The following DPYD variants were observed in gnomAD, a reference collection of about 807,000 sequenced individuals.
DPYD encodes the protein dihydropyrimidine dehydrogenase, also known as dihydropyrimidine dehydrogenase [NADP(+)].
DPYD carries 109 observed loss-of-function variants against 116.2 expected under a neutral mutation model. The observed-to-expected ratio is 0.94, with a 90% confidence interval of 0.80 to 1.10. The LOEUF is 1.10. Among genes scored for constraint, DPYD ranks in the 50% least tolerant of loss-of-function variants. DPYD has a pLI of 0.00. For synonymous variants in DPYD, 440 were observed against 432.0 expected, an observed-to-expected ratio of 1.02 and a Z score of -0.23; for missense variants, 1,302 against 1,254.5, an observed-to-expected ratio of 1.04 and a Z score of -0.57.
intron 1 of DPYD, among the ~76,000 whole-genome samples, chr1:97,885,366 C>A (rs759253188): frequency 1.3e-5 from 2 of 151,968 alleles, no homozygotes; most frequent in Non-Finnish European, 2.9e-5. Flanking sequence ...TCCACCTCTA[C>A]TAATGTAATT....
At chr1:97,545,118 G>A (rs11165893) in intron 12 of DPYD, among the ~76,000 whole-genome samples, 6 of 152,054 alleles carry the variant, frequency 3.9e-5, no homozygotes, top group African/African-American at 1.4e-4. Context: ...AAAGAGAGAA[G>A]AATAAAACTT....
intron 14 of DPYD, among the ~76,000 whole-genome samples, chr1:97,391,429 G>C (rs12042394): frequency 0.2 from 30,241 of 151,822 alleles, 3,127 homozygotes; most frequent in South Asian, 0.36. Context: ...CCCACATCCA[G>C]TGATTAACCA....
rs1029469904 is a variant in DPYD at position 97,549,625 on chromosome 1, T to C, written c.1459A>G (p.Asn487Asp). The change falls in exon 12 of 23, where the codon AAC becomes GAC. Residue 487 changes from asparagine to aspartate, a missense_variant. By Grantham distance (23) the Asn-to-Asp change is conservative. Transcript: ENST00000370192. ...FAGGDVVGLANTTVESVNDGK... is the reference protein window; with the variant it reads ...FAGGDVVGLADTTVESVNDGK... ...TCATTCACCGATTCCACTGTAGTGT[T>C]AGCCAAACCAACGACATCACCACCT... 1.9e-6 allele frequency: 3 copies of C among 1,613,798 alleles called. No homozygotes were observed. The Admixed American group carries it at 5.0e-5, about 27-fold the overall frequency.
chr1:97,397,316 GAT>G (rs561161348), intron 14 of DPYD, among the ~76,000 whole-genome samples: 1 of 151,890 alleles, frequency 6.6e-6, no homozygotes, highest in South Asian at 2.1e-4. Flanking sequence ...ATGTATGACA[GAT>G]ATATATATGG....
At chr1:97,620,710 T>C (rs1656583086) in intron 8 of DPYD, among the ~76,000 whole-genome samples, 1 of 152,182 alleles carries the variant, frequency 6.6e-6, no homozygotes, top group African/African-American at 2.4e-5. Context: ...TATTCGTATA[T>C]GCTCTTTCAT....
chr1:97,114,763 A>G (rs1317819702), intron 20 of DPYD, among the ~76,000 whole-genome samples: 1 of 152,148 alleles, frequency 6.6e-6, no homozygotes. Flanking sequence ...AAAAAAACCC[A>G]TCATATTCAA....
rs145254649 is a variant in DPYD at position 97,833,890 on chromosome 1, G to A, written c.151-5694C>T. On this transcript the variant is annotated intron_variant, in intron 2 of 22. Transcript: ENST00000370192. ...AACTTTTTGGTCATAAGACTCCTAT[G>A]AGAGTATAATGAAAACCATGATCCT... Among the ~76,000 whole-genome samples the A allele has an allele frequency of 3.2e-4, 48 of 152,174 alleles. No individual in the cohort carries two copies. The East Asian group carries it at 8.1e-3, about 26-fold the overall frequency.
chr1:97,583,744 A>T (rs79954780), intron 10 of DPYD, among the ~76,000 whole-genome samples: 1,984 of 150,652 alleles, frequency 0.013, 22 homozygotes, highest in Middle Eastern at 0.024. Context: ...TGTTAGATTG[A>T]CATAAAAATG....
intron 10 of DPYD, among the ~76,000 whole-genome samples, chr1:97,587,648 A>G (rs1654224033): frequency 6.6e-6 from 1 of 151,740 alleles, no homozygotes; most frequent in South Asian, 2.1e-4. Flanking sequence ...ACATGGTGAA[A>G]CCCCGTTTCG....
At chr1:97,553,689 G>A (rs369102226) in intron 11 of DPYD, among the ~76,000 whole-genome samples, 4 of 152,110 alleles carry the variant, frequency 2.6e-5, no homozygotes, top group South Asian at 2.1e-4. Flanking sequence ...AAACGGGGGG[G>A]ATTTTCTGTT....
At chr1:97,819,603 C>A (rs1668814091) in intron 3 of DPYD, among the ~76,000 whole-genome samples, 2 of 151,956 alleles carry the variant, frequency 1.3e-5, no homozygotes, top group Non-Finnish European at 2.9e-5. Flanking sequence ...AATACTTTCT[C>A]ATTTTATTTA....
chr1:97,768,768 G>GA (rs1468366285), intron 3 of DPYD, among the ~76,000 whole-genome samples: 1 of 151,726 alleles, frequency 6.6e-6, no homozygotes, highest in African/African-American at 2.4e-5. Context: ...TTCCAAATAA[G>GA]AAAAAACCCA....
rs117378450 is a variant in DPYD, at chr1:97,454,981, C to A, written c.1741-4758G>T. Among the ~76,000 whole-genome samples, 57 of 151,826 alleles carry A rather than the reference C, an allele frequency of 3.8e-4. 1 individual carries two copies. The East Asian group carries it at 9.7e-3, about 26-fold the overall frequency. ...TAAACATCTTGTTGAATGAAAAGGG[C>A]AAGTTCTAGAAAAATATATAGAATA... On this transcript the variant is annotated intron_variant, in intron 13 of 22. Coordinates refer to ENST00000370192, the MANE Select transcript of DPYD (RefSeq NM_000110.4).
intron 5 of DPYD, among the ~76,000 whole-genome samples, chr1:97,711,847 T>A (rs1265903099): frequency 3.3e-5 from 5 of 152,016 alleles, no homozygotes; most frequent in African/African-American, 1.2e-4. Context: ...TAAGTTATAA[T>A]TACTCTGGGA....
In DPYD at chr1:97,623,697, A is replaced by G. The variant is rs188824101; in HGVS notation, c.851-28531T>C. ...TGCAATCATGAGCAAAAAGAACAAA[A>G]CTGGAGGTATCACATTACCTGATTT... On this transcript the variant is annotated intron_variant, in intron 8 of 22. Transcript: ENST00000370192. Among the ~76,000 whole-genome samples, 527 of 152,014 alleles carry G rather than the reference A, an allele frequency of 3.5e-3. 4 individuals are homozygous for G. Among genetic ancestry groups the G allele is most frequent in the African/African-American group, 0.012 (500 of 41,500 alleles).
chr1:97,812,625 G>C (rs1220919868), intron 3 of DPYD, among the ~76,000 whole-genome samples: 1 of 151,904 alleles, frequency 6.6e-6, no homozygotes, highest in African/African-American at 2.4e-5. Context: ...CTTATGGAGA[G>C]GTATTCATGG....
chr1:97,638,528 G>T (rs1036346304), intron 8 of DPYD, among the ~76,000 whole-genome samples: 2 of 152,118 alleles, frequency 1.3e-5, no homozygotes, highest in South Asian at 2.1e-4. Flanking sequence ...TCCTGGTATT[G>T]AGTGAGAGAA....
chr1:97,505,713 C>A (rs1049350586), intron 13 of DPYD, among the ~76,000 whole-genome samples: 8 of 151,734 alleles, frequency 5.3e-5, no homozygotes, highest in African/African-American at 1.9e-4. Context: ...TATAAAAGGA[C>A]ATTATAAGAG....
At chr1:97,809,408 C>A (rs1668240817) in intron 3 of DPYD, among the ~76,000 whole-genome samples, 1 of 152,130 alleles carries the variant, frequency 6.6e-6, no homozygotes, top group South Asian at 2.1e-4. Context: ...ACCTCCAGCC[C>A]AAGATGTCAG....
Sources: allele counts gnomAD v4.1 joint callset (sites outside exome capture counted in the v4.1 genomes callset), GRCh38; gene constraint gnomAD v4.1.1; transcripts MANE v1.5; gene names NCBI Gene and HGNC (gene_info 2026-07-23, HGNC 2026-07-21).